TENM3: variants seen among roughly 807,000 people sequenced by gnomAD.
The protein encoded by TENM3 is teneurin transmembrane protein 3.
TENM3 carries 63 observed loss-of-function variants against 255.1 expected under a neutral mutation model. The observed-to-expected ratio is 0.25, with a 90% CI of 0.20 to 0.30. TENM3 has a LOEUF of 0.30. Ranked by LOEUF, TENM3 falls within the 10% of genes least tolerant of loss-of-function variation. TENM3 has a pLI of 1.00. For missense variants in TENM3, 2,929 were observed against 3,461.1 expected (o/e 0.85, Z 3.86); for synonymous variants, 1,306 against 1,322.3 (o/e 0.99, Z 0.27).
At chr4:181,631,167 C>T in the TENM3 span, among the ~76,000 whole-genome samples, 1 of 152,184 alleles carries the variant, frequency 6.6e-6, no homozygotes, top group Non-Finnish European at 1.5e-5. Context: ...CTCAGTCCAG[C>T]ATCCTGATGT....
intron 3 of TENM3, among the ~76,000 whole-genome samples, chr4:182,457,214 C>A (rs1412159140): frequency 1.3e-5 from 2 of 151,298 alleles, no homozygotes; most frequent in Non-Finnish European, 2.9e-5. Flanking sequence ...AACAAAAACC[C>A]CACAATACTC....
intron 6 of TENM3, among the ~76,000 whole-genome samples, chr4:182,667,758 G>A (rs1018008291): frequency 6.7e-6 from 1 of 150,090 alleles, no homozygotes; most frequent in Non-Finnish European, 1.5e-5. Context: ...GACACAGGAA[G>A]GGGAACATCA....
At chr4:182,360,677 T>C (rs1765902507) in intron 3 of TENM3, among the ~76,000 whole-genome samples, 1 of 152,254 alleles carries the variant, frequency 6.6e-6, no homozygotes, top group Admixed American at 6.5e-5. Context: ...CTTTATCCAA[T>C]TTGCCAGTCT....
the TENM3 span, among the ~76,000 whole-genome samples, chr4:181,977,516 G>A: frequency 1.3e-5 from 2 of 152,152 alleles, no homozygotes; most frequent in African/African-American, 4.8e-5. Flanking sequence ...GAAAAATGAA[G>A]AGACAGTTCT....
intron 1 of TENM3, among the ~76,000 whole-genome samples, chr4:182,224,061 A>G (rs920749727): frequency 6.6e-6 from 1 of 152,218 alleles, no homozygotes; most frequent in Non-Finnish European, 1.5e-5. Flanking sequence ...TATGTACCCC[A>G]CAATATATAT....
At chr4:181,573,259 C>A in the TENM3 span, among the ~76,000 whole-genome samples, 1 of 152,208 alleles carries the variant, frequency 6.6e-6, no homozygotes, top group East Asian at 1.9e-4. Flanking sequence ...ATGTACCTAG[C>A]ACTGGGATTG....
chr4:182,061,445 G>A, the TENM3 span, among the ~76,000 whole-genome samples: 13 of 152,024 alleles, frequency 8.6e-5, no homozygotes, highest in South Asian at 4.1e-4. Context: ...ACTTTAGACC[G>A]TGTGTGAATT....
chr4:181,448,058 T>C, the TENM3 span, among the ~76,000 whole-genome samples: 1 of 151,904 alleles, frequency 6.6e-6, no homozygotes, highest in African/African-American at 2.4e-5. Flanking sequence ...AAGGTGATTT[T>C]GTGTGTCTTC....
intron 24 of TENM3, among the ~76,000 whole-genome samples, chr4:182,784,829 C>T (rs113262098): frequency 0.082 from 12,471 of 152,098 alleles, 1,754 homozygotes; most frequent in African/African-American, 0.28. Context: ...AGGTGCTGTC[C>T]GTCACCCCTT....
chr4:182,790,272 C>A (rs1171487645), intron 25 of TENM3, among the ~76,000 whole-genome samples: 1 of 148,718 alleles, frequency 6.7e-6, no homozygotes, highest in African/African-American at 2.5e-5. Context: ...GCGTGCTACA[C>A]ACTACTCGGC....
At chr4:182,584,668 A>G (rs1347573956) in intron 3 of TENM3, among the ~76,000 whole-genome samples, 1 of 151,572 alleles carries the variant, frequency 6.6e-6, no homozygotes, top group East Asian at 1.9e-4. Flanking sequence ...GAGACGGAGT[A>G]TTATTCTGTC....
chr4:182,520,839 T>C (rs1217417304), intron 3 of TENM3, among the ~76,000 whole-genome samples: 1 of 152,172 alleles, frequency 6.6e-6, no homozygotes, highest in Non-Finnish European at 1.5e-5. Context: ...TCTTTCCTTC[T>C]CTCATGGGCC....
intron 5 of TENM3, among the ~76,000 whole-genome samples, chr4:182,640,097 G>A (rs545570546): frequency 1.4e-4 from 21 of 152,070 alleles, no homozygotes; most frequent in South Asian, 4.2e-4. Context: ...TCAAAAATAC[G>A]TAAATAAGAG....
the TENM3 span, among the ~76,000 whole-genome samples, chr4:181,876,577 G>A: frequency 1.3e-5 from 2 of 152,024 alleles, no homozygotes; most frequent in Non-Finnish European, 2.9e-5. Flanking sequence ...TTGCAAATGT[G>A]TTTTTTTGAA....
chr4:182,356,324 G>C (rs1018000531), intron 3 of TENM3, among the ~76,000 whole-genome samples: 1 of 152,140 alleles, frequency 6.6e-6, no homozygotes, highest in Non-Finnish European at 1.5e-5. Flanking sequence ...GAAACATAGT[G>C]AGACCCCATC....
rs757990384 is a variant in TENM3, at chr4:182,688,382, C to A, written c.2221+31C>A. On this transcript the variant is annotated intron_variant, in intron 12 of 27. Transcript: ENST00000511685. ...CTTACTGCAAGTCTGTGTCTGTCCCCTTCCTCCCAGAGAAGAGCACCGACG... is the reference window on the plus strand; with the variant it reads ...CTTACTGCAAGTCTGTGTCTGTCCCATTCCTCCCAGAGAAGAGCACCGACG... The A allele has an allele frequency of 3.4e-5, 51 of 1,487,306 alleles. 2 individuals carry two copies. The South Asian group carries it at 6.9e-4, about 20-fold the overall frequency. The allele number at this position is 1,487,306 out of a possible 1,614,324, so 92.1% of individuals were successfully genotyped here.
chr4:182,372,310 G>A (rs985456067), intron 3 of TENM3, among the ~76,000 whole-genome samples: 1 of 151,984 alleles, frequency 6.6e-6, no homozygotes. Context: ...ATTATGTTAT[G>A]AAAAACATAA....
At chr4:182,206,598 T>C (rs1561196655) in intron 1 of TENM3, among the ~76,000 whole-genome samples, 1 of 152,174 alleles carries the variant, frequency 6.6e-6, no homozygotes, top group Non-Finnish European at 1.5e-5. Context: ...AGACATGGAG[T>C]CATTCATTCA....
intron 13 of TENM3, among the ~76,000 whole-genome samples, chr4:182,726,640 G>A (rs1417305619): frequency 6.7e-6 from 1 of 149,906 alleles, no homozygotes; most frequent in Non-Finnish European, 1.5e-5. Context: ...GAGAGGTGGG[G>A]AAGGCCGGAT....
Sources: allele counts gnomAD v4.1 joint callset (sites outside exome capture counted in the v4.1 genomes callset), GRCh38; gene constraint gnomAD v4.1.1; transcripts MANE v1.5; gene names NCBI Gene and HGNC (gene_info 2026-07-23, HGNC 2026-07-21).